IGF2: variants seen among roughly 807,000 people sequenced by gnomAD.
IGF2 encodes the protein insulin like growth factor 2, also known as insulin-like growth factor 2.
In IGF2, 2 loss-of-function variants were observed where a neutral mutation model predicts 12.0. The observed-to-expected ratio is 0.17, with a 90% CI of 0.07 to 0.52. The LOEUF (loss-of-function observed/expected upper bound fraction) is 0.52. Among genes scored for constraint, IGF2 ranks in the 20% least tolerant of loss-of-function variants. The probability of loss-of-function intolerance (pLI) is 0.95; values close to 1 mark genes in which losing one functional copy is unlikely to be tolerated. For missense variants in IGF2, 211 were observed against 268.0 expected (o/e 0.79, Z 1.48); for synonymous variants, 105 against 110.1 (o/e 0.95, Z 0.29).
At position 2,132,124 on chromosome 11, in the gene IGF2, A is replaced by C. The variant is rs1259403853; in HGVS notation, c.*863T>G. The stretch of plus-strand genomic sequence containing the variant: ...TGTGTGTAGCTGCGGGGATGCATAA[A>C]GTATGAGTGCTTTTTAGGATGGGAA... On this transcript the variant is annotated 3_prime_UTR_variant, in exon 4 of 4. Transcript: ENST00000416167. 4.8e-6 allele frequency: 1 copy of C among 209,048 alleles called. No homozygotes were observed. Among genetic ancestry groups the C allele is most frequent in the Non-Finnish European group, 9.7e-6 (1 of 103,334 alleles). 12.9% of individuals were successfully genotyped at this position (209,048 alleles called of 1,614,324 possible).
chr11:2,132,170 G>C lies in IGF2; in HGVS notation c.*817C>G, dbSNP rs774565080. 4 of 207,810 alleles carry C rather than the reference G, an allele frequency of 1.9e-5. No homozygotes were observed. The highest frequency in any genetic ancestry group is 2.3e-5 in the African/African-American group (1 of 43,688). 12.9% of individuals were successfully genotyped at this position (207,810 alleles called of 1,614,324 possible). ...GGGAATTGAGATGTAAGATTTGGGGGTGAGGGTCGTGCCAATTACATTTCA... is the reference window on the plus strand; with the variant it reads ...GGGAATTGAGATGTAAGATTTGGGGCTGAGGGTCGTGCCAATTACATTTCA... On this transcript the variant is annotated 3_prime_UTR_variant, in exon 4 of 4. Coordinates refer to ENST00000416167, the MANE Select transcript of IGF2 (RefSeq NM_000612.6).
upstream of IGF2, among the ~76,000 whole-genome samples, chr11:2,143,934 G>A (rs1359858859): frequency 1.3e-5 from 2 of 152,340 alleles, no homozygotes; most frequent in South Asian, 2.1e-4. Flanking sequence ...CGCTGCCGGG[G>A]ATTCACCTTG....
In IGF2 at chr11:2,130,529, G is replaced by GC. The variant is rs1554911964; in HGVS notation, c.*2457_*2458insG. The GC allele has an allele frequency of 5.4e-5, 8 of 148,844 alleles. No homozygotes were observed. The highest frequency in any genetic ancestry group is 5.7e-5 in the African/African-American group (1 of 17,698). The allele number at this position is 148,844 out of a possible 1,614,324, so 9.2% of individuals were successfully genotyped here. On this transcript the variant is annotated 3_prime_UTR_variant, in exon 4 of 4. Transcript: ENST00000416167. The stretch of plus-strand genomic sequence containing the variant: ...TTTTGTCACTGCCCCCCTGTTACAT[G>GC]GGGGGGGGGTTTAATTTGGTTTCTG...
chr11:2,136,731 C>T (rs1056637977), intron 1 of IGF2, among the ~76,000 whole-genome samples: 13 of 152,244 alleles, frequency 8.5e-5, no homozygotes, highest in Non-Finnish European at 1.3e-4. Flanking sequence ...CCTCCTTGGT[C>T]ATCTCCTTGA....
At chr11:2,142,619 A>G (rs974328350), upstream of IGF2, among the ~76,000 whole-genome samples, 1 of 152,198 alleles carries the variant, frequency 6.6e-6, no homozygotes, top group East Asian at 1.9e-4. This position sits in a 1 kb window ranked among gnomAD's most constrained non-coding sequence, Gnocchi z 5.7. Flanking sequence ...AAAAGGGTCC[A>G]GTGTGATCCT....
the IGF2 span, chr11:2,146,532 G>A: frequency 1.5e-5 from 6 of 406,618 alleles, no homozygotes; most frequent in African/African-American, 6.1e-5. Flanking sequence ...CCAAAAGTAC[G>A]TGGGGGATAT....
chr11:2,138,506 T>C lies in IGF2; in HGVS notation c.-284A>G. The stretch of plus-strand genomic sequence containing the variant: ...AGGTATCGGGAAATGAGGTCAGCTG[T>C]TGTATCAAGGATAGAGGGGGGCAGA... On this transcript the variant is annotated 5_prime_UTR_variant, in exon 1 of 4. Transcript: ENST00000416167. The C allele has an allele frequency of 1.2e-6, 1 of 863,062 alleles. No homozygotes were observed. The highest frequency in any genetic ancestry group is 1.3e-6 in the Non-Finnish European group (1 of 744,982). The allele number at this position is 863,062 out of a possible 1,614,324, so 53.5% of individuals were successfully genotyped here.
intron 2 of IGF2, chr11:2,134,180 A>G: frequency 2.0e-6 from 1 of 492,040 alleles, no homozygotes. Context: ...TGATGGAACC[A>G]CTCCCTTCTT....
chr11:2,140,318 G>C, upstream of IGF2: 1 of 1,603,574 alleles, frequency 6.2e-7, no homozygotes, highest in South Asian at 1.1e-5. Context: ...TTTGAACGAT[G>C]TAAGAAAGCA....
Position 2,139,272 on chromosome 11 carries a change from T to C in IGF2, c.-1050A>G, listed in dbSNP as rs1859358478. The stretch of plus-strand genomic sequence containing the variant: ...GGGCGGCGTCGACGCGGGGCCGCCT[T>C]GCCCGATGGAGGCGCTGGTGGGCAG... On this transcript the variant is annotated 5_prime_UTR_variant, in exon 1 of 4. Transcript: ENST00000416167. The C allele has an allele frequency of 7.3e-6, 1 of 137,090 alleles. No individual in the cohort carries two copies. The highest frequency in any genetic ancestry group is 2.7e-5 in the African/African-American group (1 of 37,344). 8.5% of individuals were successfully genotyped at this position (137,090 alleles called of 1,614,324 possible).
chr11:2,133,072 T>C lies in IGF2; in HGVS notation c.458A>G (p.Lys153Arg). Residue 153 changes from lysine (K) to arginine (R), a missense_variant, in exon 4 of 4, where the codon AAA becomes AGA. By Grantham distance (26) the Lys-to-Arg change is conservative (BLOSUM62 2). This residue lies in a region of IGF2 where 141 missense variants were observed against 153.1 expected (regional missense o/e 0.92). Coordinates refer to ENST00000416167, the MANE Select transcript of IGF2 (RefSeq NM_000612.6). The surrounding 1 kb of genome is among the most constrained non-coding windows in gnomAD (Gnocchi z 8.9). ...AKELEAFREA[K>R]RHRPLIALPT... is the part of the protein sequence containing the mutation. ...TAGAGCAATCAGGGGACGGTGACGTTTGGCCTCCCTGAACGCCTCGAGCTC... is the reference window on the plus strand; with the variant it reads ...TAGAGCAATCAGGGGACGGTGACGTCTGGCCTCCCTGAACGCCTCGAGCTC... 1 of 1,606,824 alleles carries C rather than the reference T, an allele frequency of 6.2e-7. No individual in the cohort carries two copies. Among genetic ancestry groups the C allele is most frequent in the Non-Finnish European group, 8.5e-7 (1 of 1,176,268 alleles).
the IGF2 span, chr11:2,147,377 C>A: frequency 4.3e-4 from 168 of 392,888 alleles, no homozygotes; most frequent in Non-Finnish European, 7.1e-4. The surrounding 1 kb of genome is among the most constrained non-coding windows in gnomAD (Gnocchi z 7.2). Context: ...TCTGCCCACA[C>A]CTGCTCTGGC....
At chr11:2,134,834 A>G (rs1418830310) in intron 2 of IGF2, among the ~76,000 whole-genome samples, 1 of 151,644 alleles carries the variant, frequency 6.6e-6, no homozygotes, top group Non-Finnish European at 1.5e-5. Flanking sequence ...GCAGGTGGGC[A>G]CCCCCCACGG....
chr11:2,149,554 G>T, the IGF2 span: 1 of 606,024 alleles, frequency 1.7e-6, no homozygotes, highest in Non-Finnish European at 2.9e-6. Flanking sequence ...GAGGCCGCTG[G>T]GGCAGCTGGC....
upstream of IGF2, chr11:2,146,213 G>A (rs17881300): frequency 1.5e-4 from 79 of 526,422 alleles, no homozygotes; most frequent in Non-Finnish European, 2.6e-4. Context: ...CAGCCCTGAA[G>A]TGGGCCTTTC....
In IGF2 at chr11:2,138,470, CG is replaced by C. The variant is rs920581770; in HGVS notation, c.-249del. On this transcript the variant is annotated 5_prime_UTR_variant, in exon 1 of 4. Transcript: ENST00000416167. ...GGGGCGGGCCAGATGTTGTACTTTT[CG>C]GGGGGGAAAAGGTATCGGGAAATGA... 40 of 906,246 alleles carry C rather than the reference CG, an allele frequency of 4.4e-5. No homozygotes were observed. Among genetic ancestry groups the C allele is most frequent in the South Asian group, 5.2e-5 (1 of 19,180 alleles). 56.1% of individuals were successfully genotyped at this position (906,246 alleles called of 1,614,324 possible).
At position 2,130,912 on chromosome 11, in the gene IGF2, G is replaced by A. The variant is rs1336347765; in HGVS notation, c.*2075C>T. The A allele has an allele frequency of 4.7e-6, 1 of 214,866 alleles. No individual in the cohort carries two copies. Among genetic ancestry groups the A allele is most frequent in the African/African-American group, 2.3e-5 (1 of 44,158 alleles). The allele number at this position is 214,866 out of a possible 1,614,324, so 13.3% of individuals were successfully genotyped here. A position where few individuals can be genotyped will look rare whatever the true frequency, so the allele number is the denominator to read the frequency against. ...GATCCCTAGGTGTGCTCCGGTGGGG[G>A]GGTCCCCAAGATCTTCCTTCCAGGA... On this transcript the variant is annotated 3_prime_UTR_variant, in exon 4 of 4. Transcript: ENST00000416167.
rs1016555143 is a variant in IGF2, at chr11:2,131,427, C to CGT, written c.*1558_*1559dup. ...TTTCATCCAATTTTGTGGGGGTGTG[C>CGT]GTGTGTGTGCGCATGTGTGTGTGCA... On this transcript the variant is annotated 3_prime_UTR_variant, in exon 4 of 4. Transcript: ENST00000416167. 1 of 231,916 alleles carries CGT rather than the reference C, an allele frequency of 4.3e-6. No individual in the cohort carries two copies. Among genetic ancestry groups the CGT allele is most frequent in the African/African-American group, 2.3e-5 (1 of 44,144 alleles). 14.4% of individuals were successfully genotyped at this position (231,916 alleles called of 1,614,324 possible).
At chr11:2,147,657 G>A in the IGF2 span, 1 of 1,248,990 alleles carries the variant, frequency 8.0e-7, no homozygotes, top group Non-Finnish European at 1.0e-6. This position sits in a 1 kb window ranked among gnomAD's most constrained non-coding sequence, Gnocchi z 7.2. Flanking sequence ...GGCCACAGCA[G>A]CTCACCTCAG....
Sources: allele counts gnomAD v4.1 joint callset (sites outside exome capture counted in the v4.1 genomes callset), GRCh38; gene constraint gnomAD v4.1.1; regional missense constraint gnomAD v4.1.1; non-coding constraint Gnocchi (gnomAD v3.1); transcripts MANE v1.5; gene names NCBI Gene and HGNC (gene_info 2026-07-23, HGNC 2026-07-21).